Variants in ZNF892 observed in about 807,000 individuals in gnomAD.
The protein encoded by ZNF892 is zinc finger protein 892.
chr2:95,245,450 CG>C, the ZNF892 span, among the ~76,000 whole-genome samples: 458 of 11,644 alleles, frequency 0.039, 5 homozygotes, highest in East Asian at 0.14. Context: ...GTAGAGACGG[CG>C]GGGGGGGGGG....
chr2:95,216,019 T>C, the ZNF892 span, among the ~76,000 whole-genome samples: 9 of 152,338 alleles, frequency 5.9e-5, no homozygotes, highest in East Asian at 1.7e-3. Flanking sequence ...ACAATGAGTT[T>C]GTCCAGAGTC....
the ZNF892 span, among the ~76,000 whole-genome samples, chr2:95,261,069 T>C: frequency 2.6e-5 from 4 of 152,084 alleles, no homozygotes; most frequent in African/African-American, 9.7e-5. Context: ...CCCCATATGA[T>C]GTTATCATCA....
the ZNF892 span, chr2:95,208,575 C>T: frequency 2.5e-6 from 1 of 398,220 alleles, no homozygotes; most frequent in East Asian, 3.6e-5. Flanking sequence ...TGACAACTAG[C>T]TGGTGTGTGG....
the ZNF892 span, among the ~76,000 whole-genome samples, chr2:95,212,771 T>C: frequency 1.3e-5 from 2 of 152,224 alleles, no homozygotes; most frequent in Non-Finnish European, 2.9e-5. Context: ...ACTCATTAGC[T>C]TTGTGACCTT....
chr2:95,233,757 C>T, the ZNF892 span, among the ~76,000 whole-genome samples: 1 of 151,832 alleles, frequency 6.6e-6, no homozygotes, highest in South Asian at 2.1e-4. Context: ...GCCTCGGCCT[C>T]CCAGAGTGCT....
the ZNF892 span, among the ~76,000 whole-genome samples, chr2:95,234,143 T>C: frequency 6.6e-6 from 1 of 152,158 alleles, no homozygotes; most frequent in Non-Finnish European, 1.5e-5. Context: ...CTCAGCCTCC[T>C]AGTTTTGTGA....
At chr2:95,210,185 G>GTATATATGTGTATATATGTA in the ZNF892 span, among the ~76,000 whole-genome samples, 1 of 147,630 alleles carries the variant, frequency 6.8e-6, no homozygotes, top group African/African-American at 2.5e-5. Flanking sequence ...GTGTATATAT[G>GTATATATGTGTATATATGTA]TATATGTGTA....
chr2:95,207,697 TG>T, the ZNF892 span: 2 of 397,166 alleles, frequency 5.0e-6, no homozygotes, highest in Admixed American at 8.8e-5. Flanking sequence ...GACCCCCGGG[TG>T]GGGGCGCCAG....
the ZNF892 span, chr2:95,215,319 C>A: frequency 2.2e-6 from 1 of 464,600 alleles, no homozygotes. Flanking sequence ...CTTCAGTGAC[C>A]GCTCAGCCCT....
At chr2:95,261,603 T>A in the ZNF892 span, among the ~76,000 whole-genome samples, 1 of 152,230 alleles carries the variant, frequency 6.6e-6, no homozygotes, top group East Asian at 1.9e-4. Flanking sequence ...CCTCCACAAT[T>A]CTTTTAGTGG....
At chr2:95,209,495 A>T in the ZNF892 span, among the ~76,000 whole-genome samples, 2 of 152,186 alleles carry the variant, frequency 1.3e-5, no homozygotes, top group African/African-American at 4.8e-5. Context: ...AGGATTAGTA[A>T]AGATGCTTCT....
the ZNF892 span, chr2:95,215,329 T>C: frequency 2.1e-6 from 1 of 467,830 alleles, no homozygotes; most frequent in South Asian, 6.0e-5. Flanking sequence ...CGCTCAGCCC[T>C]TATTCGTCAT....
chr2:95,226,513 T>C, the ZNF892 span, among the ~76,000 whole-genome samples: 4 of 152,226 alleles, frequency 2.6e-5, no homozygotes, highest in South Asian at 2.1e-4. Context: ...TAGCTTCTTA[T>C]GGTTTTATAA....
At chr2:95,230,422 C>T in the ZNF892 span, among the ~76,000 whole-genome samples, 1 of 152,082 alleles carries the variant, frequency 6.6e-6, no homozygotes, top group Non-Finnish European at 1.5e-5. Flanking sequence ...ATGTTGATCA[C>T]TTTTTCAAGT....
chr2:95,253,800 G>A, the ZNF892 span, among the ~76,000 whole-genome samples: 6 of 152,152 alleles, frequency 3.9e-5, no homozygotes, highest in South Asian at 1.0e-3. Context: ...GGTCCTTCAC[G>A]TCCCTTGTAA....
the ZNF892 span, among the ~76,000 whole-genome samples, chr2:95,213,234 A>G: frequency 6.6e-6 from 1 of 152,214 alleles, no homozygotes; most frequent in Non-Finnish European, 1.5e-5. Flanking sequence ...CTGTGTGTTC[A>G]TGAACATTTG....
the ZNF892 span, chr2:95,214,584 C>A: frequency 2.5e-5 from 10 of 398,794 alleles, no homozygotes; most frequent in African/African-American, 4.1e-5. Context: ...GAGGTCCTTA[C>A]TTGTTCAGCA....
the ZNF892 span, among the ~76,000 whole-genome samples, chr2:95,234,510 T>C: frequency 6.6e-6 from 1 of 152,246 alleles, no homozygotes; most frequent in Non-Finnish European, 1.5e-5. Flanking sequence ...CCACTCGGTC[T>C]GTTAGCATTT....
At chr2:95,213,515 G>T in the ZNF892 span, among the ~76,000 whole-genome samples, 6 of 152,140 alleles carry the variant, frequency 3.9e-5, no homozygotes, top group Non-Finnish European at 8.8e-5. Context: ...ATCTTGAGAG[G>T]TTGGGGACTC....
Sources: gnomAD v4.1 joint callset for allele counts (sites outside exome capture counted in the v4.1 genomes callset) on GRCh38, gnomAD v4.1.1 for gene constraint, MANE v1.5 for transcripts, NCBI Gene and HGNC (gene_info 2026-07-23, HGNC 2026-07-21) for gene names.